The following CELF2 variants were observed in gnomAD, a reference collection of about 807,000 sequenced individuals.
The protein encoded by CELF2 is CUGBP Elav-like family member 2.
CELF2 carries 8 observed loss-of-function variants against 62.6 expected under a neutral mutation model. That is an observed-to-expected ratio of 0.13 (90% CI 0.07 to 0.23). The LOEUF (loss-of-function observed/expected upper bound fraction) is 0.23. CELF2 is among the 10% of genes least tolerant of loss of function. The pLI is 1.00. For missense variants in CELF2, 333 were observed against 671.0 expected (o/e 0.50, Z 5.56); for synonymous variants, 258 against 250.0 (o/e 1.03, Z -0.30).
At chr10:10,656,186 A>T in the CELF2 span, among the ~76,000 whole-genome samples, 3 of 145,888 alleles carry the variant, frequency 2.1e-5, no homozygotes, top group Non-Finnish European at 3.0e-5. Flanking sequence ...ATCTCACACC[A>T]GTTAGAATGA....
the CELF2 span, among the ~76,000 whole-genome samples, chr10:10,722,045 G>A: frequency 6.6e-6 from 1 of 152,310 alleles, no homozygotes; most frequent in African/African-American, 2.4e-5. Context: ...GCTCATGCCT[G>A]TAATCCCAGC....
intron 1 of CELF2, among the ~76,000 whole-genome samples, chr10:10,837,451 A>G (rs955055458): frequency 1.3e-5 from 2 of 152,202 alleles, no homozygotes; most frequent in African/African-American, 4.8e-5. Flanking sequence ...CAGCAGTGTG[A>G]AAACAGACTA....
At chr10:11,061,212 A>G (rs1044511030) in intron 1 of CELF2, among the ~76,000 whole-genome samples, 1 of 152,246 alleles carries the variant, frequency 6.6e-6, no homozygotes, top group African/African-American at 2.4e-5. Flanking sequence ...TGATAAAGTG[A>G]AATAGACTTA....
chr10:11,187,332 A>G (rs962396535), intron 2 of CELF2, among the ~76,000 whole-genome samples: 10 of 152,312 alleles, frequency 6.6e-5, no homozygotes, highest in Non-Finnish European at 8.8e-5. Flanking sequence ...TTATGATATT[A>G]GTATAGCCAC....
At chr10:11,093,355 C>G (rs1595080408) in intron 1 of CELF2, among the ~76,000 whole-genome samples, 2 of 152,106 alleles carry the variant, frequency 1.3e-5, no homozygotes, top group African/African-American at 2.4e-5. Flanking sequence ...AGCTACACCT[C>G]AGGGTATTTC....
chr10:10,665,228 C>T, the CELF2 span, among the ~76,000 whole-genome samples: 3 of 152,182 alleles, frequency 2.0e-5, no homozygotes, highest in East Asian at 3.9e-4. Context: ...AGTATGCCCA[C>T]AGGTGGAAAA....
intron 1 of CELF2, among the ~76,000 whole-genome samples, chr10:10,817,351 C>G (rs564315350): frequency 2.0e-5 from 3 of 152,130 alleles, no homozygotes; most frequent in African/African-American, 4.8e-5. Flanking sequence ...TATTTTAAAA[C>G]GTACAATTAA....
At chr10:11,245,403 A>C (rs1409460796) in intron 3 of CELF2, among the ~76,000 whole-genome samples, 3 of 152,216 alleles carry the variant, frequency 2.0e-5, no homozygotes, top group Admixed American at 2.0e-4. Context: ...CTGATTGAAC[A>C]CCTTTCTCTA....
At chr10:11,091,336 T>C (rs773405487) in intron 1 of CELF2, among the ~76,000 whole-genome samples, 16 of 152,202 alleles carry the variant, frequency 1.1e-4, no homozygotes, top group Non-Finnish European at 1.9e-4. Context: ...GGGGAACCGT[T>C]CAGCAAAGGA....
the CELF2 span, among the ~76,000 whole-genome samples, chr10:10,487,049 G>A: frequency 6.6e-6 from 1 of 152,178 alleles, no homozygotes; most frequent in Non-Finnish European, 1.5e-5. Context: ...GAATGTAGAA[G>A]CATTTTATGC....
chr10:11,331,848 C>T lies in CELF2; in HGVS notation c.*2795C>T, dbSNP rs921081082. Reference sequence around the variant, plus strand: ...GTGAGAAAGTTTTGAACTTTTAACCCTTTCTACCCAGAGCTATCTGGAATG... The same window carrying T: ...GTGAGAAAGTTTTGAACTTTTAACCTTTTCTACCCAGAGCTATCTGGAATG... On this transcript the variant is annotated 3_prime_UTR_variant, in exon 13 of 13. Coordinates refer to ENST00000633077, the MANE Select transcript of CELF2 (RefSeq NM_001326342.2). 9 of 152,566 alleles carry T rather than the reference C, an allele frequency of 5.9e-5. No individual in the cohort carries two copies. The highest frequency in any genetic ancestry group is 1.7e-4 in the African/African-American group (7 of 41,408). The allele number at this position is 152,566 out of a possible 1,614,324, so 9.5% of individuals were successfully genotyped here. A position where few individuals can be genotyped will look rare whatever the true frequency, so the allele number is the denominator to read the frequency against.
At chr10:10,941,210 G>A (rs2047012205) in intron 2 of CELF2, among the ~76,000 whole-genome samples, 1 of 152,026 alleles carries the variant, frequency 6.6e-6, no homozygotes, top group African/African-American at 2.4e-5. Context: ...CTTTTTTTCT[G>A]GAGGAGTGAA....
chr10:10,544,446 C>T, the CELF2 span, among the ~76,000 whole-genome samples: 9 of 152,202 alleles, frequency 5.9e-5, no homozygotes, highest in African/African-American at 9.7e-5. Context: ...AACGGGTTTT[C>T]GCTCTGCGCT....
chr10:10,838,087 G>T (rs933481319), intron 1 of CELF2, among the ~76,000 whole-genome samples: 5 of 152,074 alleles, frequency 3.3e-5, no homozygotes, highest in African/African-American at 1.2e-4. Context: ...CGTTTCCTTG[G>T]GTTCTTCTTG....
chr10:11,020,219 C>G (rs888155295), intron 1 of CELF2, among the ~76,000 whole-genome samples: 6 of 152,286 alleles, frequency 3.9e-5, no homozygotes, highest in African/African-American at 1.4e-4. Flanking sequence ...AAATGATAGC[C>G]TTTGGAATCA....
At chr10:10,901,667 G>GC (rs34093689) in intron 1 of CELF2, among the ~76,000 whole-genome samples, 7,285 of 152,064 alleles carry the variant, frequency 0.048, 890 homozygotes, top group East Asian at 0.36. Context: ...CTTCACTAAA[G>GC]TTTTTTTAAA....
intron 1 of CELF2, among the ~76,000 whole-genome samples, chr10:10,829,825 G>C (rs574345927): frequency 2.6e-5 from 4 of 152,208 alleles, no homozygotes; most frequent in African/African-American, 7.2e-5. Flanking sequence ...CTCGTCCAGA[G>C]GTTGACTTCT....
At chr10:11,199,764 C>T (rs889563095) in intron 2 of CELF2, among the ~76,000 whole-genome samples, 4 of 152,190 alleles carry the variant, frequency 2.6e-5, no homozygotes, top group Admixed American at 2.6e-4. Context: ...AAAATCTGTC[C>T]ATTGCTTCTC....
chr10:11,130,817 T>C (rs955467163), intron 1 of CELF2, among the ~76,000 whole-genome samples: 4 of 152,240 alleles, frequency 2.6e-5, no homozygotes, highest in African/African-American at 9.6e-5. Context: ...TGCTCCACTT[T>C]TCATTACTAG....
Sources: gnomAD v4.1 joint callset for allele counts (sites outside exome capture counted in the v4.1 genomes callset) on GRCh38, gnomAD v4.1.1 for gene constraint, MANE v1.5 for transcripts, NCBI Gene and HGNC (gene_info 2026-07-23, HGNC 2026-07-21) for gene names.